EIF4E3: variants seen among roughly 807,000 people sequenced by gnomAD.
EIF4E3 encodes eukaryotic translation initiation factor 4E type 3.
A neutral mutation model predicts 31.7 loss-of-function variants in EIF4E3; 26 were observed. That is an observed-to-expected ratio of 0.82 (90% CI 0.60 to 1.14). The LOEUF is 1.14. EIF4E3 is among the 50% of genes most tolerant of loss of function. EIF4E3 has a pLI of 0.00. For synonymous variants in EIF4E3, 128 were observed against 107.7 expected (o/e 1.19, Z -1.17); for missense variants, 304 against 270.9 (o/e 1.12, Z -0.86).
intron 1 of EIF4E3, among the ~76,000 whole-genome samples, chr3:71,735,199 T>A (rs974381987): frequency 6.6e-6 from 1 of 152,200 alleles, no homozygotes; most frequent in Non-Finnish European, 1.5e-5. Flanking sequence ...ATCCATTATA[T>A]TTTTTTCAAA....
intron 6 of EIF4E3, among the ~76,000 whole-genome samples, chr3:71,686,556 G>GTGTC (rs1264853449): frequency 2.0e-5 from 3 of 151,780 alleles, no homozygotes; most frequent in Non-Finnish European, 4.4e-5. Context: ...GTGTGTGTGT[G>GTGTC]TGTGTGTGTG....
downstream of EIF4E3, among the ~76,000 whole-genome samples, chr3:71,672,937 T>C (rs938557474): frequency 1.3e-5 from 2 of 152,106 alleles, no homozygotes; most frequent in African/African-American, 4.8e-5. Context: ...CCACAAGGCA[T>C]GGGGGTGGAA....
At chr3:71,663,900 G>A in the EIF4E3 span, among the ~76,000 whole-genome samples, 4 of 152,314 alleles carry the variant, frequency 2.6e-5, no homozygotes, top group East Asian at 1.9e-4. Flanking sequence ...GGCTGCAAGC[G>A]ACAAAGGAGG....
At chr3:71,730,417 C>T (rs1292802567) in intron 1 of EIF4E3, among the ~76,000 whole-genome samples, 1 of 152,186 alleles carries the variant, frequency 6.6e-6, no homozygotes, top group Non-Finnish European at 1.5e-5. Flanking sequence ...TTGCAAGTTG[C>T]ACATAGAAAA....
intron 1 of EIF4E3, among the ~76,000 whole-genome samples, chr3:71,740,606 C>A (rs1244330980): frequency 2.0e-5 from 3 of 152,108 alleles, no homozygotes; most frequent in East Asian, 1.9e-4. Flanking sequence ...TGGTGGTGTG[C>A]ACCTGTAGTC....
rs376785193 is a variant in EIF4E3 at position 71,693,914 on chromosome 3, C to T, written c.433G>A (p.Ala145Thr). 5.0e-6 allele frequency: 8 copies of T among 1,585,704 alleles called. No individual in the cohort carries two copies. In the Admixed American group the frequency reaches 7.1e-5, roughly 14 times the overall value. ...TSTVWKELLL[A>T]TIGEQFTDCA... ...TCTGTGAACTGTTCCCCGATGGTTG[C>T]TAACAGCAACTCTTTCCAAACTGTG... is the stretch of plus-strand genomic sequence containing the variant. The change falls in exon 5 of 7, where the codon GCA becomes ACA. Residue 145 changes from alanine to threonine, a missense_variant. Transcript: ENST00000425534.
intron 1 of EIF4E3, among the ~76,000 whole-genome samples, chr3:71,715,831 C>A (rs2049456332): frequency 1.3e-5 from 2 of 152,168 alleles, no homozygotes; most frequent in Admixed American, 1.3e-4. Flanking sequence ...CTACAGCAAT[C>A]CTGTCAGGCT....
intron 2 of EIF4E3, among the ~76,000 whole-genome samples, chr3:71,708,574 G>A (rs1224484580): frequency 6.6e-6 from 1 of 151,820 alleles, no homozygotes; most frequent in East Asian, 1.9e-4. Context: ...CAAATACCCT[G>A]GGTTATCTCG....
rs1559582899 is a variant in EIF4E3, at chr3:71,679,325, A to T, written c.*5357T>A. 2 of 152,212 alleles carry T rather than the reference A, an allele frequency of 1.3e-5. No homozygotes were observed. Among genetic ancestry groups the T allele is most frequent in the Non-Finnish European group, 2.9e-5 (2 of 68,026 alleles). 9.4% of individuals were successfully genotyped at this position (152,212 alleles called of 1,614,324 possible). A position where few individuals can be genotyped will look rare whatever the true frequency, so the allele number is the denominator to read the frequency against. On this transcript the variant is annotated 3_prime_UTR_variant, in exon 7 of 7. Transcript: ENST00000425534. ...TTCTATAATGCAAAGTTGACACTTT[A>T]ATAGATCCGAAATAAACATCTGTTC...
At position 71,696,493 on chromosome 3, in the gene EIF4E3, G is replaced by A. The variant is rs142557730; in HGVS notation, c.372C>T (p.Gly124=). 2.1e-5 allele frequency: 34 copies of A among 1,614,012 alleles called. No homozygotes were observed. The highest frequency in any genetic ancestry group is 1.5e-4 in the Admixed American group (9 of 60,010). The change falls in exon 4 of 7, where the codon GGC becomes GGT. Residue 124 remains glycine, a synonymous_variant. Transcript: ENST00000425534. The part of the protein sequence containing the change: ...LWEEESNAKG[G]VWKMKVPKDS... ...CCTTGGGGACTTTCATCTTCCATACGCCACCCTTTGCATTACTCTCCTCTT... is the reference window on the plus strand; with the variant it reads ...CCTTGGGGACTTTCATCTTCCATACACCACCCTTTGCATTACTCTCCTCTT...
Position 71,677,877 on chromosome 3 carries a change from G to A in EIF4E3, c.*6805C>T, listed in dbSNP as rs899672832. 2 of 152,096 alleles carry A rather than the reference G, an allele frequency of 1.3e-5. No homozygotes were observed. The highest frequency in any genetic ancestry group is 1.9e-4 in the East Asian group (1 of 5,198). The allele number at this position is 152,096 out of a possible 1,614,324, so 9.4% of individuals were successfully genotyped here. A position where few individuals can be genotyped will look rare whatever the true frequency, so the allele number is the denominator to read the frequency against. On this transcript the variant is annotated 3_prime_UTR_variant, in exon 7 of 7. Transcript: ENST00000425534. The stretch of plus-strand genomic sequence containing the variant: ...GCAAATTGCAGCACAAAAGAGCAAC[G>A]AGAGTAATTGACTTATTCTAAAACG...
chr3:71,660,335 A>G, the EIF4E3 span, among the ~76,000 whole-genome samples: 3 of 152,270 alleles, frequency 2.0e-5, no homozygotes, highest in East Asian at 5.8e-4. Context: ...GAAGCTGAAA[A>G]AAAAAAGAAA....
upstream of EIF4E3, among the ~76,000 whole-genome samples, chr3:71,753,852 A>C (rs2049966458): frequency 6.8e-6 from 1 of 147,044 alleles, no homozygotes; most frequent in African/African-American, 2.5e-5. Context: ...TCCTGCGCGC[A>C]CCATTCCTGA....
chr3:71,751,250 C>A (rs1456126806), intron 1 of EIF4E3, among the ~76,000 whole-genome samples: 2 of 152,080 alleles, frequency 1.3e-5, no homozygotes, highest in Non-Finnish European at 2.9e-5. Flanking sequence ...TAAAGTCAGA[C>A]TTCCAGCTCT....
intron 1 of EIF4E3, chr3:71,753,452 A>T (rs1221577178): frequency 6.6e-6 from 1 of 151,338 alleles, no homozygotes; most frequent in Non-Finnish European, 1.5e-5. Flanking sequence ...CCGCCGCCGG[A>T]CCCCCGTTAC....
chr3:71,700,418 C>T (rs1578347761), intron 2 of EIF4E3, among the ~76,000 whole-genome samples: 1 of 151,944 alleles, frequency 6.6e-6, no homozygotes, highest in African/African-American at 2.4e-5. Context: ...ACAATAGACC[C>T]TGTCTTCAAC....
intron 1 of EIF4E3, among the ~76,000 whole-genome samples, chr3:71,711,000 C>G (rs1306858133): frequency 6.6e-6 from 1 of 152,232 alleles, no homozygotes; most frequent in Non-Finnish European, 1.5e-5. Flanking sequence ...TTTGCTGTTA[C>G]CAAAACACTT....
chr3:71,746,560 A>T (rs906469429), intron 1 of EIF4E3, among the ~76,000 whole-genome samples: 5 of 152,124 alleles, frequency 3.3e-5, no homozygotes, highest in African/African-American at 1.2e-4. Context: ...ATCTGCACTC[A>T]CTCAGAAAGC....
intron 1 of EIF4E3, among the ~76,000 whole-genome samples, chr3:71,721,685 CTGCTTCTCCTTT>C (rs924936144): frequency 2.0e-4 from 30 of 152,260 alleles, no homozygotes; most frequent in Admixed American, 1.2e-3. Context: ...AAGAAGGTGC[CTGCTTCTCCTTT>C]GGCTTCTACC....
Sources: allele counts gnomAD v4.1 joint callset (sites outside exome capture counted in the v4.1 genomes callset), GRCh38; gene constraint gnomAD v4.1.1; transcripts MANE v1.5; gene names NCBI Gene and HGNC (gene_info 2026-07-23, HGNC 2026-07-21).